Variants in INO80D observed in about 807,000 individuals in gnomAD.
The protein encoded by INO80D is INO80 complex subunit D.
In INO80D, 21 loss-of-function variants were observed where a neutral mutation model predicts 87.6. The ratio of observed to expected loss-of-function variants is 0.24; its 90% CI spans 0.17 to 0.35. The LOEUF (loss-of-function observed/expected upper bound fraction) is 0.35, where lower values mean the gene tolerates loss of function less well. INO80D is among the 10% of genes least tolerant of loss of function. The probability of loss-of-function intolerance (pLI) is 1.00; values close to 1 mark genes in which losing one functional copy is unlikely to be tolerated. For missense variants in INO80D, 982 were observed against 1,280.7 expected (o/e 0.77, Z 3.56); for synonymous variants, 440 against 491.0 (o/e 0.90, Z 1.37).
At position 206,028,207 on chromosome 2, in the gene INO80D, G is replaced by C. The variant is rs550625486; in HGVS notation, c.1202C>G (p.Thr401Arg). ...CGCCTGCAGCAAAGCTTTCCTAAAC[G>C]TATGCCGGCATTTCTTTTGACGAGA... ...AESRQKKCRH[T>R]FRKALLQAAS... The change falls in exon 6 of 11, where the codon ACG becomes AGG. Residue 401 changes from threonine to arginine, a missense_variant. Coordinates refer to ENST00000403263, the MANE Select transcript of INO80D (RefSeq NM_017759.5). The C allele has an allele frequency of 1.2e-6, 2 of 1,612,628 alleles. No homozygotes were observed. Among genetic ancestry groups the C allele is most frequent in the East Asian group, 4.5e-5 (2 of 44,854 alleles).
At chr2:206,016,177 A>T (rs1688314351) in intron 8 of INO80D, among the ~76,000 whole-genome samples, 1 of 152,222 alleles carries the variant, frequency 6.6e-6, no homozygotes, top group Non-Finnish European at 1.5e-5. Flanking sequence ...TATACCCTGC[A>T]AAGTCACAGG....
intron 7 of INO80D, among the ~76,000 whole-genome samples, chr2:206,018,198 T>C (rs1688368729): frequency 6.6e-6 from 1 of 152,228 alleles, no homozygotes. Context: ...TGGAGTGCAA[T>C]GGCACGATCT....
intron 8 of INO80D, among the ~76,000 whole-genome samples, chr2:206,012,981 G>A (rs1688219693): frequency 6.7e-6 from 1 of 149,720 alleles, no homozygotes; most frequent in Non-Finnish European, 1.5e-5. Flanking sequence ...AGTCTCTTAT[G>A]TAATTTTTAA....
At chr2:206,021,954 A>G (rs542464776) in intron 6 of INO80D, among the ~76,000 whole-genome samples, 1 of 152,284 alleles carries the variant, frequency 6.6e-6, no homozygotes, top group African/African-American at 2.4e-5. Context: ...TAAACCGCTC[A>G]GCTATCTTCA....
intron 5 of INO80D, among the ~76,000 whole-genome samples, chr2:206,040,198 C>A (rs1183373584): frequency 6.8e-6 from 1 of 146,364 alleles, no homozygotes; most frequent in Non-Finnish European, 1.5e-5. Flanking sequence ...GAAACTGACA[C>A]AGGAGAATTG....
At chr2:206,013,128 T>C (rs1374740702) in intron 8 of INO80D, among the ~76,000 whole-genome samples, 1 of 152,100 alleles carries the variant, frequency 6.6e-6, no homozygotes, top group South Asian at 2.1e-4. Context: ...AAATATATAT[T>C]ATTTTATGAC....
At chr2:206,021,388 A>T (rs1222184553) in intron 6 of INO80D, among the ~76,000 whole-genome samples, 1 of 152,248 alleles carries the variant, frequency 6.6e-6, no homozygotes, top group Non-Finnish European at 1.5e-5. Flanking sequence ...TAAGATGTCT[A>T]CAAGATTTGT....
intron 5 of INO80D, among the ~76,000 whole-genome samples, chr2:206,044,905 G>T (rs1046699251): frequency 6.6e-6 from 1 of 152,114 alleles, no homozygotes; most frequent in African/African-American, 2.4e-5. Flanking sequence ...TAACTAAAAA[G>T]CTTAAGCTCA....
At chr2:206,017,880 T>C in intron 7 of INO80D, 67 bp from the exon 8 acceptor site, 1 of 1,453,446 alleles carries the variant, frequency 6.9e-7, no homozygotes. Flanking sequence ...ATATAAAATT[T>C]GCTTGTTCCC....
chr2:206,054,223 T>C (rs561093510), intron 4 of INO80D, among the ~76,000 whole-genome samples: 1 of 151,798 alleles, frequency 6.6e-6, no homozygotes, highest in African/African-American at 2.4e-5. Context: ...GGTCTTACTG[T>C]GTCGCCCAGA....
intron 1 of INO80D, among the ~76,000 whole-genome samples, chr2:206,064,595 C>A (rs942766869): frequency 1.3e-5 from 2 of 152,126 alleles, no homozygotes; most frequent in Non-Finnish European, 2.9e-5. Context: ...ATCTGTAAAA[C>A]AGGGATAATA....
At position 206,062,817 on chromosome 2, in the gene INO80D, G is replaced by C; in HGVS notation, c.200C>G (p.Pro67Arg). The C allele has an allele frequency of 6.2e-7, 1 of 1,608,190 alleles. No individual in the cohort carries two copies. Among genetic ancestry groups the C allele is most frequent in the Non-Finnish European group, 8.5e-7 (1 of 1,178,294 alleles). ...YNSQRCTNPI[P>R]KSEDRRYCNS... ...CCCTTACCTACGATCCTCTGATTTG[G>C]GGATGGGGTTGGTGCAGCGTTGGCT... The change falls in exon 3 of 11, where the codon CCC becomes CGC. Residue 67 changes from proline (P) to arginine (R), a missense_variant. Coordinates refer to ENST00000403263, the MANE Select transcript of INO80D (RefSeq NM_017759.5). The surrounding 1 kb of genome is among the most constrained non-coding windows in gnomAD (Gnocchi z 4.6).
intron 5 of INO80D, among the ~76,000 whole-genome samples, chr2:206,035,102 C>G (rs1688859309): frequency 1.3e-5 from 2 of 152,016 alleles, no homozygotes; most frequent in Non-Finnish European, 2.9e-5. Context: ...ATGACACGAA[C>G]AAATGGAAAC....
At chr2:206,060,097 C>T (rs981156018) in intron 3 of INO80D, among the ~76,000 whole-genome samples, 2 of 151,874 alleles carry the variant, frequency 1.3e-5, no homozygotes, top group East Asian at 1.9e-4. Context: ...CCTAGTTACT[C>T]GGGAGACTGA....
chr2:206,076,835 G>T (rs907004097), intron 1 of INO80D, among the ~76,000 whole-genome samples: 1 of 152,162 alleles, frequency 6.6e-6, no homozygotes. Flanking sequence ...CTAAGTATAA[G>T]ACCTTGGGCA....
chr2:206,078,284 G>A (rs1381901804), intron 1 of INO80D, among the ~76,000 whole-genome samples: 1 of 152,050 alleles, frequency 6.6e-6, no homozygotes, highest in Non-Finnish European at 1.5e-5. Context: ...CGGCGTGGTG[G>A]CACGCGCCTG....
At position 205,999,780 on chromosome 2, in the gene INO80D, A is replaced by G. The variant is rs1687872732; in HGVS notation, c.*4588T>C. The G allele has an allele frequency of 6.6e-6, 1 of 152,200 alleles. No homozygotes were observed. The highest frequency in any genetic ancestry group is 2.4e-5 in the African/African-American group (1 of 41,444). The allele number at this position is 152,200 out of a possible 1,614,324, so 9.4% of individuals were successfully genotyped here. ...TGGTATTTTATTACAAATTATTGGA[A>G]AGGTAGTATTTAAAATGTTACTTTA... On this transcript the variant is annotated 3_prime_UTR_variant, in exon 11 of 11. Transcript: ENST00000403263.
chr2:206,051,000 G>A (rs962528665), intron 4 of INO80D, among the ~76,000 whole-genome samples: 3 of 151,862 alleles, frequency 2.0e-5, no homozygotes, highest in Non-Finnish European at 2.9e-5. Context: ...TTAGATCTCT[G>A]CCTCAAAACT....
intron 8 of INO80D, among the ~76,000 whole-genome samples, chr2:206,016,086 A>C (rs1480760612): frequency 1.3e-5 from 2 of 152,194 alleles, no homozygotes; most frequent in African/African-American, 2.4e-5. Flanking sequence ...AGAATGGTAG[A>C]TCTACTGACA....
Sources: gnomAD v4.1 joint callset for allele counts (sites outside exome capture counted in the v4.1 genomes callset) on GRCh38, gnomAD v4.1.1 for gene constraint, Gnocchi (gnomAD v3.1) non-coding constraint, MANE v1.5 for transcripts, NCBI Gene and HGNC (gene_info 2026-07-23, HGNC 2026-07-21) for gene names.